ADCY8: variants seen among roughly 807,000 people sequenced by gnomAD.
ADCY8 encodes the protein adenylate cyclase type 8.
A neutral mutation model predicts 119.7 loss-of-function variants in ADCY8; 51 were observed. That is an observed-to-expected ratio of 0.43 (90% CI 0.34 to 0.54). ADCY8 has a LOEUF of 0.54. Among genes scored for constraint, ADCY8 ranks in the 20% least tolerant of loss-of-function variants. ADCY8 has a pLI of 0.03. For missense variants in ADCY8, 1,383 were observed against 1,598.8 expected, an observed-to-expected ratio of 0.87 and a Z score of 2.30; for synonymous variants, 665 against 651.0, an observed-to-expected ratio of 1.02 and a Z score of -0.33.
At chr8:131,028,439 G>A (rs546396077) in intron 1 of ADCY8, among the ~76,000 whole-genome samples, 14 of 152,126 alleles carry the variant, frequency 9.2e-5, no homozygotes, top group South Asian at 2.1e-4. Flanking sequence ...TGAACTACCC[G>A]CCTCCAATAG....
At chr8:131,034,541 C>G (rs1824091468) in intron 1 of ADCY8, among the ~76,000 whole-genome samples, 1 of 152,094 alleles carries the variant, frequency 6.6e-6, no homozygotes, top group South Asian at 2.1e-4. Flanking sequence ...AACAATCATT[C>G]TTTAGCATTT....
In ADCY8 at chr8:131,039,271, G is replaced by A. The variant is rs1357886260; in HGVS notation, c.960+103C>T. On this transcript the variant is annotated intron_variant, in intron 1 of 17. Coordinates refer to ENST00000286355, the MANE Select transcript of ADCY8 (RefSeq NM_001115.3). ...CAAGGCACTGTGCCAGACTGAAGGC[G>A]GAGACTTAAAGAGAGTGAGGCAACC... The A allele has an allele frequency of 4.7e-6, 7 of 1,484,844 alleles. No homozygotes were observed. In the Admixed American group the frequency reaches 1.0e-4, roughly 21 times the overall value. 92.0% of individuals were successfully genotyped at this position (1,484,844 alleles called of 1,614,324 possible).
intron 15 of ADCY8, among the ~76,000 whole-genome samples, chr8:130,800,004 TA>T (rs1815720823): frequency 6.6e-6 from 1 of 152,246 alleles, no homozygotes; most frequent in Non-Finnish European, 1.5e-5. Flanking sequence ...AGTATGTTTG[TA>T]CTTGCAATTA....
Position 130,839,497 on chromosome 8 carries a change from G to A in ADCY8, c.2503-3048C>T, listed in dbSNP as rs187346603. On this transcript the variant is annotated intron_variant, in intron 11 of 17. Coordinates refer to ENST00000286355, the MANE Select transcript of ADCY8 (RefSeq NM_001115.3). ...GCTTTTTATACCTTGAGTGAATAGT[G>A]GGGGGTGGGACCAGGAAATGGGAGA... is the stretch of plus-strand genomic sequence containing the variant. Among the ~76,000 whole-genome samples the A allele has an allele frequency of 1.6e-3, 221 of 139,892 alleles. 11 individuals are homozygous for A. Among genetic ancestry groups the A allele is most frequent in the African/African-American group, 5.0e-3 (204 of 40,942 alleles). The allele number at this position is 139,892 out of a possible 152,430, so 91.8% of individuals were successfully genotyped here.
chr8:130,787,521 G>A (rs12680002), intron 15 of ADCY8, among the ~76,000 whole-genome samples: 19,798 of 149,718 alleles, frequency 0.13, 1,718 homozygotes, highest in East Asian at 0.33. Context: ...TTATGTGCAT[G>A]TGTGTCCACC....
At chr8:130,835,200 C>T (rs1164866161) in intron 12 of ADCY8, among the ~76,000 whole-genome samples, 1 of 152,190 alleles carries the variant, frequency 6.6e-6, no homozygotes, top group Non-Finnish European at 1.5e-5. Context: ...CTCCTTCCAT[C>T]ACTTCTTGTG....
At chr8:131,018,477 A>C (rs1298233411) in intron 1 of ADCY8, among the ~76,000 whole-genome samples, 1 of 152,208 alleles carries the variant, frequency 6.6e-6, no homozygotes. Context: ...AATTTCCATG[A>C]AGCATGTGTT....
intron 16 of ADCY8, 44 bp from the exon 17 acceptor site, chr8:130,783,849 G>A: frequency 6.8e-7 from 1 of 1,476,514 alleles, no homozygotes; most frequent in African/African-American, 1.4e-5. Context: ...TGCGGAATGT[G>A]GGGGAACATT....
intron 8 of ADCY8, among the ~76,000 whole-genome samples, chr8:130,879,470 G>A (rs1032490573): frequency 1.3e-5 from 2 of 152,146 alleles, no homozygotes; most frequent in African/African-American, 4.8e-5. Flanking sequence ...TGCCAGGCAG[G>A]TGCTGCTTTT....
chr8:131,030,335 C>T (rs1360180574), intron 1 of ADCY8, among the ~76,000 whole-genome samples: 1 of 152,178 alleles, frequency 6.6e-6, no homozygotes, highest in Non-Finnish European at 1.5e-5. Flanking sequence ...GATGACTTGG[C>T]CCATCCCAGG....
At chr8:130,858,360 C>T (rs1181904056) in intron 9 of ADCY8, among the ~76,000 whole-genome samples, 1 of 152,096 alleles carries the variant, frequency 6.6e-6, no homozygotes, top group Non-Finnish European at 1.5e-5. Flanking sequence ...TCTCAGACTT[C>T]CCTTGTTTTA....
At chr8:130,783,551 C>T in intron 17 of ADCY8, 140 bp downstream of exon 17, 1 of 591,630 alleles carries the variant, frequency 1.7e-6, no homozygotes, top group Non-Finnish European at 3.0e-6. Context: ...CTGACCTTGT[C>T]CCTATCCTTG....
intron 1 of ADCY8, among the ~76,000 whole-genome samples, chr8:131,003,147 G>T (rs1823004045): frequency 6.6e-6 from 1 of 151,318 alleles, no homozygotes; most frequent in Non-Finnish European, 1.5e-5. Context: ...GTTGCAGTGA[G>T]CTAGTGAGCT....
intron 3 of ADCY8, among the ~76,000 whole-genome samples, chr8:130,945,844 A>G (rs893135680): frequency 2.0e-5 from 3 of 152,250 alleles, no homozygotes; most frequent in African/African-American, 4.8e-5. Context: ...TGAGAGCCCT[A>G]CATGTATTCA....
chr8:130,842,888 A>AAAG (rs1245398605), intron 11 of ADCY8, among the ~76,000 whole-genome samples: 1 of 151,672 alleles, frequency 6.6e-6, no homozygotes, highest in Non-Finnish European at 1.5e-5. Flanking sequence ...AAAAAAAAAA[A>AAAG]AAGTTAATTC....
At chr8:130,992,420 TATATA>T (rs1822621557) in intron 1 of ADCY8, among the ~76,000 whole-genome samples, 4 of 135,478 alleles carry the variant, frequency 3.0e-5, no homozygotes, top group South Asian at 2.3e-4. Flanking sequence ...TATATATATA[TATATA>T]TATATTTGAG....
chr8:130,958,240 C>A (rs903258883), intron 2 of ADCY8, among the ~76,000 whole-genome samples: 2 of 152,288 alleles, frequency 1.3e-5, no homozygotes, highest in African/African-American at 4.8e-5. Flanking sequence ...GCTTTATAAG[C>A]AAGTGGGTAG....
At chr8:131,018,654 C>A (rs1398979407) in intron 1 of ADCY8, among the ~76,000 whole-genome samples, 1 of 152,150 alleles carries the variant, frequency 6.6e-6, no homozygotes, top group African/African-American at 2.4e-5. Flanking sequence ...ATGCTCACTC[C>A]TATATAAGAC....
chr8:130,981,637 T>C (rs1400004384), intron 2 of ADCY8, among the ~76,000 whole-genome samples: 2 of 152,214 alleles, frequency 1.3e-5, no homozygotes, highest in Non-Finnish European at 2.9e-5. Flanking sequence ...ATGGCCTCAG[T>C]ATGCAAATTA....
Sources: allele counts gnomAD v4.1 joint callset (sites outside exome capture counted in the v4.1 genomes callset), GRCh38; gene constraint gnomAD v4.1.1; transcripts MANE v1.5; gene names NCBI Gene and HGNC (gene_info 2026-07-23, HGNC 2026-07-21).